PPP1R12B: variants seen among roughly 807,000 people sequenced by gnomAD.
The protein encoded by PPP1R12B is myosin phosphatase target subunit 2.
A neutral mutation model predicts 126.1 loss-of-function variants in PPP1R12B; 76 were observed. The ratio of observed to expected loss-of-function variants is 0.60; its 90% CI spans 0.50 to 0.73. The LOEUF is 0.73. Among genes scored for constraint, PPP1R12B ranks in the 30% least tolerant of loss-of-function variants. The probability of loss-of-function intolerance (pLI) is 0.00; values close to 1 mark genes in which losing one functional copy is unlikely to be tolerated. For missense variants in PPP1R12B, 1,052 were observed against 1,205.1 expected (o/e 0.87, Z 1.88); for synonymous variants, 356 against 434.7 (o/e 0.82, Z 2.25).
chr1:202,457,410 G>T (rs1673772080), intron 13 of PPP1R12B, among the ~76,000 whole-genome samples: 1 of 152,014 alleles, frequency 6.6e-6, no homozygotes, highest in Non-Finnish European at 1.5e-5. Flanking sequence ...AAAATTAGCT[G>T]GGCATGGTGG....
At chr1:202,353,944 C>T (rs975619896) in intron 1 of PPP1R12B, among the ~76,000 whole-genome samples, 5 of 151,886 alleles carry the variant, frequency 3.3e-5, no homozygotes, top group Non-Finnish European at 4.4e-5. Flanking sequence ...TGCTGAATAA[C>T]TGTATATCAC....
At chr1:202,521,526 A>T (rs1682787589) in intron 18 of PPP1R12B, among the ~76,000 whole-genome samples, 1 of 152,220 alleles carries the variant, frequency 6.6e-6, no homozygotes, top group Admixed American at 6.5e-5. Flanking sequence ...TGTGAGAAAG[A>T]AGCGTTTAGA....
chr1:202,356,500 C>T (rs1326551818), intron 1 of PPP1R12B, among the ~76,000 whole-genome samples: 1 of 152,074 alleles, frequency 6.6e-6, no homozygotes, highest in Non-Finnish European at 1.5e-5. Flanking sequence ...AATATGTTAC[C>T]TTACAGGGTA....
chr1:202,371,001 C>CTTTTT (rs774584500), intron 1 of PPP1R12B, among the ~76,000 whole-genome samples: 9 of 109,138 alleles, frequency 8.2e-5, no homozygotes, highest in Admixed American at 1.9e-4. Flanking sequence ...TGCTCCACAT[C>CTTTTT]TTTTTTTTTT....
chr1:202,367,654 G>C (rs931214525), intron 1 of PPP1R12B, among the ~76,000 whole-genome samples: 9 of 152,168 alleles, frequency 5.9e-5, no homozygotes, highest in Non-Finnish European at 1.3e-4. Flanking sequence ...TTGTAGTGAA[G>C]CACTTCCAGG....
At chr1:202,569,095 T>G (rs1277952851) in intron 22 of PPP1R12B, 52 bp from the exon 23 acceptor site, 6 of 1,585,652 alleles carry the variant, frequency 3.8e-6, no homozygotes, top group Non-Finnish European at 5.2e-6. Flanking sequence ...GGCAGCATTT[T>G]TACTCCCTTC....
At chr1:202,477,932 A>G (rs1396467355) in intron 13 of PPP1R12B, among the ~76,000 whole-genome samples, 1 of 152,222 alleles carries the variant, frequency 6.6e-6, no homozygotes, top group Non-Finnish European at 1.5e-5. Context: ...TTCTCATGCT[A>G]CTAAACTGTG....
chr1:202,399,714 T>C (rs556937868), intron 1 of PPP1R12B, among the ~76,000 whole-genome samples: 1 of 152,140 alleles, frequency 6.6e-6, no homozygotes, highest in Non-Finnish European at 1.5e-5. Context: ...ACCAGGATGG[T>C]CTCGATCTCC....
chr1:202,541,797 T>A (rs1191453560), intron 18 of PPP1R12B, among the ~76,000 whole-genome samples: 2 of 152,174 alleles, frequency 1.3e-5, no homozygotes, highest in African/African-American at 4.8e-5. Flanking sequence ...GTCTCACTTC[T>A]AACAGCTGCC....
At chr1:202,556,277 CT>C (rs1265571224) in intron 18 of PPP1R12B, among the ~76,000 whole-genome samples, 4 of 152,156 alleles carry the variant, frequency 2.6e-5, no homozygotes, top group Non-Finnish European at 5.9e-5. Flanking sequence ...ACAGTTAATT[CT>C]TACTGTTAGA....
chr1:202,487,958 T>C (rs1239299334), intron 13 of PPP1R12B, among the ~76,000 whole-genome samples: 1 of 152,186 alleles, frequency 6.6e-6, no homozygotes, highest in African/African-American at 2.4e-5. Flanking sequence ...CAGAACCCTA[T>C]ATAAATACTA....
intron 9 of PPP1R12B, among the ~76,000 whole-genome samples, chr1:202,435,323 G>T (rs1000139814): frequency 1.3e-5 from 2 of 152,210 alleles, no homozygotes; most frequent in African/African-American, 2.4e-5. Context: ...ACATAAGATA[G>T]AGTAGTCTGA....
chr1:202,373,777 T>TA (rs200217591), intron 1 of PPP1R12B, among the ~76,000 whole-genome samples: 1,588 of 152,210 alleles, frequency 0.01, 20 homozygotes, highest in Non-Finnish European at 0.014. Flanking sequence ...TATGAAGGTT[T>TA]AAAAAAATCC....
intron 18 of PPP1R12B, chr1:202,558,651 C>T: frequency 2.1e-6 from 1 of 477,086 alleles, no homozygotes; most frequent in Admixed American, 4.1e-5. Flanking sequence ...TGCCTCAAAT[C>T]TAGTGAATCA....
At chr1:202,400,085 C>T in intron 1 of PPP1R12B, among the ~76,000 whole-genome samples, 1 of 151,996 alleles carries the variant, frequency 6.6e-6, no homozygotes, top group Non-Finnish European at 1.5e-5. Context: ...CAGTGTTTAG[C>T]TCACACTTAT....
intron 1 of PPP1R12B, among the ~76,000 whole-genome samples, chr1:202,396,229 A>G (rs116684819): frequency 0.012 from 1,840 of 152,324 alleles, 46 homozygotes; most frequent in African/African-American, 0.042. Context: ...TAGAGTTGGT[A>G]TAATAAAATG....
At chr1:202,420,994 A>G in intron 2 of PPP1R12B, among the ~76,000 whole-genome samples, 1 of 42,314 alleles carries the variant, frequency 2.4e-5, no homozygotes, top group Non-Finnish European at 4.8e-5. Flanking sequence ...TTTTTGAGAT[A>G]GAGTCTTGCT....
At chr1:202,566,206 T>C (rs775413462) in intron 21 of PPP1R12B, among the ~76,000 whole-genome samples, 2 of 152,248 alleles carry the variant, frequency 1.3e-5, no homozygotes, top group Admixed American at 6.5e-5. Context: ...TCTAACAAGC[T>C]GCTGACATTG....
intron 1 of PPP1R12B, among the ~76,000 whole-genome samples, chr1:202,371,964 C>G (rs1475487932): frequency 1.3e-5 from 2 of 149,738 alleles, no homozygotes; most frequent in East Asian, 4.0e-4. Flanking sequence ...CTCTGCCTCC[C>G]AGGTTCAAGT....
Sources: allele counts gnomAD v4.1 joint callset (sites outside exome capture counted in the v4.1 genomes callset), GRCh38; gene constraint gnomAD v4.1.1; transcripts MANE v1.5; gene names NCBI Gene and HGNC (gene_info 2026-07-23, HGNC 2026-07-21).